The following PTPN14 variants were observed in gnomAD, a reference collection of about 807,000 sequenced individuals.
PTPN14 encodes the protein protein tyrosine phosphatase non-receptor type 14.
In PTPN14, 53 loss-of-function variants were observed where a neutral mutation model predicts 126.8. That is an observed-to-expected ratio of 0.42 (90% CI 0.34 to 0.53). The LOEUF (loss-of-function observed/expected upper bound fraction) is 0.53. PTPN14 is among the 20% of genes least tolerant of loss of function. The pLI is 0.08. For missense variants in PTPN14, 1,257 were observed against 1,552.9 expected (o/e 0.81, Z 3.20); for synonymous variants, 630 against 599.3 (o/e 1.05, Z -0.75).
rs200939672 is a variant in PTPN14 at position 214,372,674 on chromosome 1, T to C, written c.3036+37A>G. On this transcript the variant is annotated intron_variant, in intron 16 of 18. Coordinates refer to ENST00000366956, the MANE Select transcript of PTPN14 (RefSeq NM_005401.5). Reference sequence around the variant, plus strand: ...CCCATCTTCTGGCCACCCTTTCCCCTGGGGAAAAAGGATGTGGAGTAGGCC... The same window carrying C: ...CCCATCTTCTGGCCACCCTTTCCCCCGGGGAAAAAGGATGTGGAGTAGGCC... 46 of 1,613,334 alleles carry C rather than the reference T, an allele frequency of 2.9e-5. No individual in the cohort carries two copies. The African/African-American group carries it at 4.0e-4, about 14-fold the overall frequency.
At chr1:214,405,063 C>A (rs1659129396) in intron 5 of PTPN14, among the ~76,000 whole-genome samples, 1 of 152,226 alleles carries the variant, frequency 6.6e-6, no homozygotes, top group Non-Finnish European at 1.5e-5. Flanking sequence ...CCTCTTCTAA[C>A]ACACACTGCT....
At chr1:214,488,992 T>C (rs1661174094) in intron 1 of PTPN14, among the ~76,000 whole-genome samples, 1 of 152,232 alleles carries the variant, frequency 6.6e-6, no homozygotes, top group Non-Finnish European at 1.5e-5. Flanking sequence ...GAATTTCCAC[T>C]AGTTCATGGT....
chr1:214,378,098 A>G lies in PTPN14; in HGVS notation c.2549T>C (p.Leu850Pro). The change falls in exon 14 of 19, where the codon CTA becomes CCA. Residue 850 changes from leucine to proline, a missense_variant. Physicochemically the swap from Leu to Pro is moderately conservative, Grantham distance 98. Transcript: ENST00000366956. ...IIEREMMIRNLEKQKMAGLEA... is the reference protein window; with the variant it reads ...IIEREMMIRNPEKQKMAGLEA... ...CAGGCCTGCCATCTTCTGCTTCTCT[A>G]GATTCTTGCGGCAAGAAAAGGCATG... is the stretch of plus-strand genomic sequence containing the variant. 6.2e-7 allele frequency: 1 copy of G among 1,607,948 alleles called. No individual in the cohort carries two copies. The highest frequency in any genetic ancestry group is 8.5e-7 in the Non-Finnish European group (1 of 1,178,760).
chr1:214,372,724 A>G lies in PTPN14; in HGVS notation c.3023T>C (p.Val1008Ala). Reference sequence around the variant, plus strand: ...CATTCCCCTTACCTCCTCTGCAGTGACCATGGCAATCACATTCACTCCCTG... The same window carrying G: ...CATTCCCCTTACCTCCTCTGCAGTGGCCATGGCAATCACATTCACTCCCTG... ...WEQGVNVIAM[V>A]TAEEEGGRTK... The change falls in exon 16 of 19, where the codon GTC (valine) becomes GCC (alanine). Residue 1008 changes from valine to alanine, a missense_variant. By Grantham distance (64) the Val-to-Ala change is moderately conservative (BLOSUM62 0). This residue lies in a region of PTPN14 where 171 missense variants were observed against 229.8 expected (regional missense o/e 0.74). Transcript: ENST00000366956. The G allele has an allele frequency of 6.2e-7, 1 of 1,614,154 alleles. No homozygotes were observed. Among genetic ancestry groups the G allele is most frequent in the Non-Finnish European group, 8.5e-7 (1 of 1,180,018 alleles).
chr1:214,414,533 C>T, intron 4 of PTPN14, 96 bp downstream of exon 4: 1 of 1,101,170 alleles, frequency 9.1e-7, no homozygotes. Context: ...ACTAAGGGAT[C>T]ATTTAAGTAA....
chr1:214,461,087 C>T (rs1397872278), intron 2 of PTPN14, among the ~76,000 whole-genome samples: 3 of 152,062 alleles, frequency 2.0e-5, no homozygotes, highest in African/African-American at 7.2e-5. Flanking sequence ...ACCTTCCTCT[C>T]AATTTTACTG....
chr1:214,456,118 A>G (rs941140224), intron 2 of PTPN14, among the ~76,000 whole-genome samples: 1 of 127,014 alleles, frequency 7.9e-6, no homozygotes, highest in Non-Finnish European at 1.8e-5. Flanking sequence ...AATGGCACAG[A>G]CTAATGCTAT....
intron 5 of PTPN14, among the ~76,000 whole-genome samples, chr1:214,403,351 A>G (rs1251124728): frequency 6.6e-6 from 1 of 152,196 alleles, no homozygotes; most frequent in Non-Finnish European, 1.5e-5. Flanking sequence ...TCAAAAGTTG[A>G]GCCTAGGAAG....
Position 214,407,303 on chromosome 1 carries a change from T to C in PTPN14, c.511-4350A>G, listed in dbSNP as rs564832833. On this transcript the variant is annotated intron_variant, in intron 5 of 18. Transcript: ENST00000366956. ...ACTTTGGGAGGCTGAGGCGGGTGGA[T>C]CACCTGAGGTTAGGAGTTCAAGACC... Among the ~76,000 whole-genome samples, 82 of 152,194 alleles carry C rather than the reference T, an allele frequency of 5.4e-4. 2 individuals carry two copies. The South Asian group carries it at 0.016, about 30-fold the overall frequency.
At chr1:214,495,008 T>G (rs780833199) in intron 1 of PTPN14, among the ~76,000 whole-genome samples, 3 of 152,202 alleles carry the variant, frequency 2.0e-5, no homozygotes, top group Non-Finnish European at 2.9e-5. Context: ...AGCAACTGTC[T>G]GAGAACTGGG....
At chr1:214,546,699 G>A (rs1485228788) in intron 1 of PTPN14, among the ~76,000 whole-genome samples, 2 of 152,066 alleles carry the variant, frequency 1.3e-5, no homozygotes, top group African/African-American at 2.4e-5. Context: ...AAGCATTTAC[G>A]GGATGGCCAG....
Position 214,362,869 on chromosome 1 carries a change from G to T in PTPN14, c.3435+1643C>A, listed in dbSNP as rs1434666316. On this transcript the variant is annotated intron_variant, in intron 18 of 18. Coordinates refer to ENST00000366956, the MANE Select transcript of PTPN14 (RefSeq NM_005401.5). ...AGAAAAAAAGAAAAGAAAACAAGGGGGGAATTTGGTGACAAAAGTGATATG... is the reference window on the plus strand; with the variant it reads ...AGAAAAAAAGAAAAGAAAACAAGGGTGGAATTTGGTGACAAAAGTGATATG... Among the ~76,000 whole-genome samples, 8 of 152,274 alleles carry T rather than the reference G, an allele frequency of 5.3e-5. No individual in the cohort carries two copies. The South Asian group carries it at 1.4e-3, about 28-fold the overall frequency.
intron 16 of PTPN14, 22 bp downstream of exon 16, chr1:214,372,689 T>C: frequency 6.2e-7 from 1 of 1,613,820 alleles, no homozygotes; most frequent in Middle Eastern, 1.7e-4. Flanking sequence ...AAAAAGGATG[T>C]GGAGTAGGCC....
At chr1:214,370,422 G>A (rs781290172) in intron 16 of PTPN14, among the ~76,000 whole-genome samples, 8 of 152,166 alleles carry the variant, frequency 5.3e-5, no homozygotes, top group African/African-American at 1.7e-4. Context: ...CCATGGGCAC[G>A]GGAAGTCATT....
chr1:214,432,406 T>C (rs1659816311), intron 3 of PTPN14, among the ~76,000 whole-genome samples: 2 of 152,228 alleles, frequency 1.3e-5, no homozygotes, highest in Admixed American at 1.3e-4. Flanking sequence ...TCGCTGGCAG[T>C]AATACAATTT....
At chr1:214,512,828 C>G (rs1160684003) in intron 1 of PTPN14, among the ~76,000 whole-genome samples, 1 of 152,066 alleles carries the variant, frequency 6.6e-6, no homozygotes, top group Non-Finnish European at 1.5e-5. Context: ...GTAGCTGGGA[C>G]CACAGGCGCA....
In PTPN14 at chr1:214,357,824, C is replaced by T; in HGVS notation, c.*98G>A. 1 of 1,080,048 alleles carries T rather than the reference C, an allele frequency of 9.3e-7. No homozygotes were observed. The allele number at this position is 1,080,048 out of a possible 1,614,324, so 66.9% of individuals were successfully genotyped here. On this transcript the variant is annotated 3_prime_UTR_variant, in exon 19 of 19. Transcript: ENST00000366956. ...TTCAGAGAGCCTGTTTGCTGCCAGC[C>T]ACCTGCACCCCTGTGGGGGGAGCAG...
At position 214,369,512 on chromosome 1, in the gene PTPN14, T is replaced by C; in HGVS notation, c.3216A>G (p.Leu1072=). The change falls in exon 17 of 19, where the codon TTA becomes TTG. Residue 1072 remains leucine (L), a synonymous_variant. Coordinates refer to ENST00000366956, the MANE Select transcript of PTPN14 (RefSeq NM_005401.5). ...LSGQERTVWH[L]QYTDWPDHGC... is the part of the protein sequence containing the mutation. ...CGTGATCTGGCCAGTCAGTATATTGTAAATGCCACACCGTCCTTTCTTGCC... is the reference window on the plus strand; with the variant it reads ...CGTGATCTGGCCAGTCAGTATATTGCAAATGCCACACCGTCCTTTCTTGCC... 6.2e-7 allele frequency: 1 copy of C among 1,614,208 alleles called. No homozygotes were observed. Among genetic ancestry groups the C allele is most frequent in the Non-Finnish European group, 8.5e-7 (1 of 1,180,040 alleles).
intron 16 of PTPN14, 118 bp from the exon 17 acceptor site, chr1:214,369,809 C>T (rs1405896763): frequency 1.2e-6 from 1 of 855,974 alleles, no homozygotes; most frequent in Non-Finnish European, 1.9e-6. Flanking sequence ...AGTTCAGTAG[C>T]ACTCTGCAGT....
Sources: gnomAD v4.1 joint callset for allele counts (sites outside exome capture counted in the v4.1 genomes callset) on GRCh38, gnomAD v4.1.1 for gene constraint, gnomAD v4.1.1 regional missense constraint, MANE v1.5 for transcripts, NCBI Gene and HGNC (gene_info 2026-07-23, HGNC 2026-07-21) for gene names.